Variants in NR3C1 observed in about 807,000 individuals in gnomAD.
The protein encoded by NR3C1 is nuclear receptor subfamily 3 group C member 1, also known as glucocorticoid receptor.
In NR3C1, 14 loss-of-function variants were observed where a neutral mutation model predicts 74.0. The ratio of observed to expected loss-of-function variants is 0.19; its 90% CI spans 0.12 to 0.30. The LOEUF is 0.30. Ranked by LOEUF, NR3C1 falls within the 10% of genes least tolerant of loss-of-function variation. The pLI is 1.00. For missense variants in NR3C1, 695 were observed against 909.8 expected, an observed-to-expected ratio of 0.76 and a Z score of 3.04; for synonymous variants, 308 against 332.5, an observed-to-expected ratio of 0.93 and a Z score of 0.80.
At chr5:143,295,358 AG>A in intron 7 of NR3C1, 101 bp downstream of exon 7, 2 of 1,493,104 alleles carry the variant, frequency 1.3e-6, no homozygotes, top group Non-Finnish European at 1.8e-6. Context: ...AAATAATAGT[AG>A]ACTTGGTATA....
At chr5:143,337,809 T>C (rs960183161) in intron 2 of NR3C1, among the ~76,000 whole-genome samples, 2 of 152,194 alleles carry the variant, frequency 1.3e-5, no homozygotes, top group African/African-American at 4.8e-5. Flanking sequence ...CAAACTGAGT[T>C]ATATTGTTTA....
intron 2 of NR3C1, among the ~76,000 whole-genome samples, chr5:143,338,210 A>G (rs1827526844): frequency 6.6e-6 from 1 of 152,220 alleles, no homozygotes; most frequent in Non-Finnish European, 1.5e-5. Context: ...CCGTGCTACC[A>G]GTTATAGAAA....
intron 6 of NR3C1, among the ~76,000 whole-genome samples, chr5:143,297,908 C>T (rs548405483): frequency 6.6e-6 from 1 of 152,190 alleles, no homozygotes; most frequent in South Asian, 2.1e-4. Flanking sequence ...AGTCTGAAAT[C>T]ATGCAGAATA....
chr5:143,319,629 C>T (rs914340675), intron 2 of NR3C1, among the ~76,000 whole-genome samples: 2 of 152,042 alleles, frequency 1.3e-5, no homozygotes, highest in African/African-American at 4.8e-5. Context: ...TTTTGGTTAT[C>T]ACGGTTGGGG....
At chr5:143,301,754 C>T (rs1818526023) in intron 4 of NR3C1, among the ~76,000 whole-genome samples, 1 of 151,972 alleles carries the variant, frequency 6.6e-6, no homozygotes, top group African/African-American at 2.4e-5. Flanking sequence ...GGATGCAAAC[C>T]ATTTTGCAAA....
intron 2 of NR3C1, among the ~76,000 whole-genome samples, chr5:143,339,448 A>T (rs547361193): frequency 2.3e-4 from 35 of 152,122 alleles, no homozygotes; most frequent in Non-Finnish European, 4.0e-4. Flanking sequence ...TCTTACTTTT[A>T]TCTTTCAATC....
intron 2 of NR3C1, among the ~76,000 whole-genome samples, chr5:143,337,879 G>C (rs557932934): frequency 2.0e-5 from 3 of 152,320 alleles, no homozygotes; most frequent in African/African-American, 7.2e-5. Flanking sequence ...TGTCAGGGCA[G>C]TGGTTACCTC....
At chr5:143,385,433 CT>C (rs1159254312) in intron 2 of NR3C1, among the ~76,000 whole-genome samples, 1 of 152,220 alleles carries the variant, frequency 6.6e-6, no homozygotes, top group African/African-American at 2.4e-5. Context: ...ATTTTCCAAA[CT>C]TTTATGCTCT....
intron 2 of NR3C1, among the ~76,000 whole-genome samples, chr5:143,353,496 C>A (rs1830570193): frequency 6.6e-6 from 1 of 152,138 alleles, no homozygotes; most frequent in Non-Finnish European, 1.5e-5. Context: ...AACTTGAAAT[C>A]ACTCCCTGAT....
chr5:143,355,703 T>C (rs1831015576), intron 2 of NR3C1, among the ~76,000 whole-genome samples: 1 of 152,154 alleles, frequency 6.6e-6, no homozygotes, highest in Admixed American at 6.5e-5. Flanking sequence ...CTTTAAAAAC[T>C]TCTCATTATC....
chr5:143,411,042 A>C (rs1841273674), intron 1 of NR3C1, among the ~76,000 whole-genome samples: 1 of 152,192 alleles, frequency 6.6e-6, no homozygotes, highest in Admixed American at 6.5e-5. Flanking sequence ...TTTACTGCCT[A>C]ATTATTTTAC....
chr5:143,289,744 A>G (rs1041088139), intron 7 of NR3C1, among the ~76,000 whole-genome samples: 6 of 152,236 alleles, frequency 3.9e-5, no homozygotes, highest in African/African-American at 1.4e-4. Flanking sequence ...TAGGTGGCCA[A>G]TAAGCCCATG....
intron 1 of NR3C1, among the ~76,000 whole-genome samples, chr5:143,426,187 G>C (rs934139213): frequency 8.5e-5 from 13 of 152,150 alleles, no homozygotes; most frequent in Non-Finnish European, 1.5e-4. Context: ...CATAGAGACA[G>C]AGAAATAATT....
chr5:143,417,531 T>C (rs912410311), intron 1 of NR3C1, among the ~76,000 whole-genome samples: 2 of 152,170 alleles, frequency 1.3e-5, no homozygotes, highest in Non-Finnish European at 2.9e-5. Context: ...TTAATAATAT[T>C]ATCTGCCTCA....
chr5:143,384,879 G>C (rs1836897299), intron 2 of NR3C1, among the ~76,000 whole-genome samples: 1 of 152,226 alleles, frequency 6.6e-6, no homozygotes, highest in Non-Finnish European at 1.5e-5. Flanking sequence ...TGCCCCAGTG[G>C]GGTCTCTGTG....
At chr5:143,371,196 G>A (rs892899152) in intron 2 of NR3C1, among the ~76,000 whole-genome samples, 28 of 152,002 alleles carry the variant, frequency 1.8e-4, no homozygotes, top group Non-Finnish European at 2.8e-4. Flanking sequence ...AATATTAGGT[G>A]GCTCCCTGAA....
intron 2 of NR3C1, among the ~76,000 whole-genome samples, chr5:143,388,054 T>TG (rs1837573628): frequency 6.6e-6 from 1 of 152,218 alleles, no homozygotes; most frequent in South Asian, 2.1e-4. Context: ...GTTACTGCCT[T>TG]GAGCAAGCTT....
intron 7 of NR3C1, 37 bp from the exon 8 acceptor site, chr5:143,282,762 TTTTTC>T (rs200115420): frequency 3.2e-4 from 506 of 1,595,018 alleles, no homozygotes; most frequent in African/African-American, 2.6e-3. Flanking sequence ...AAGGATTTTC[TTTTTC>T]TTTTCTTTTC....
At position 143,279,583 on chromosome 5, in the gene NR3C1, G is replaced by T. The variant is rs576778002; in HGVS notation, c.*2306C>A. Reference sequence around the variant, plus strand: ...GAGAGCATTCAAAAAGCAAATGATTGTTTTTTTATTAAATAATTTCTCCAA... The same window carrying T: ...GAGAGCATTCAAAAAGCAAATGATTTTTTTTTTATTAAATAATTTCTCCAA... On this transcript the variant is annotated 3_prime_UTR_variant, in exon 9 of 9. Transcript: ENST00000394464. 172 of 495,176 alleles carry T rather than the reference G, an allele frequency of 3.5e-4. No individual in the cohort carries two copies. The highest frequency in any genetic ancestry group is 5.5e-4 in the Middle Eastern group (1 of 1,824). 30.7% of individuals were successfully genotyped at this position (495,176 alleles called of 1,614,324 possible).
Sources: allele counts gnomAD v4.1 joint callset (sites outside exome capture counted in the v4.1 genomes callset), GRCh38; gene constraint gnomAD v4.1.1; transcripts MANE v1.5; gene names NCBI Gene and HGNC (gene_info 2026-07-23, HGNC 2026-07-21).